The following PRKN variants were observed in gnomAD, a reference collection of about 807,000 sequenced individuals.
PRKN encodes parkin RBR E3 ubiquitin protein ligase.
PRKN carries 56 observed loss-of-function variants against 59.5 expected under a neutral mutation model. That is an observed-to-expected ratio of 0.94 (90% CI 0.76 to 1.18). PRKN has a LOEUF of 1.18. PRKN is among the 50% of genes most tolerant of loss of function. The probability of loss-of-function intolerance (pLI) is 0.00; values close to 1 mark genes in which losing one functional copy is unlikely to be tolerated. For synonymous variants in PRKN, 250 were observed against 222.1 expected (o/e 1.13, Z -1.12); for missense variants, 657 against 596.4 (o/e 1.10, Z -1.06).
In PRKN at chr6:162,430,761, C is replaced by CCT. The variant is rs78376475; in HGVS notation, c.171+12547_171+12548dup. On this transcript the variant is annotated intron_variant, in intron 2 of 11. Transcript: ENST00000366898. Reference sequence around the variant, plus strand: ...GGCCACTTTGAGAATCTAGTACAGTCCTCTCTCTTTAGAAAAGACCAAATG... The same window carrying CCT: ...GGCCACTTTGAGAATCTAGTACAGTCCTCTCTCTCTTTAGAAAAGACCAAATG... Among the ~76,000 whole-genome samples, 416 of 152,114 alleles carry CCT rather than the reference C, an allele frequency of 2.7e-3. 6 individuals are homozygous for CCT. The highest frequency in any genetic ancestry group is 0.024 in the South Asian group (117 of 4,818).
At chr6:161,727,019 C>T (rs1197310644) in intron 7 of PRKN, among the ~76,000 whole-genome samples, 1 of 152,132 alleles carries the variant, frequency 6.6e-6, no homozygotes, top group Non-Finnish European at 1.5e-5. Flanking sequence ...TCCCCTCTTC[C>T]CCTGCCTGTA....
intron 6 of PRKN, among the ~76,000 whole-genome samples, chr6:161,877,289 C>A (rs918134037): frequency 6.6e-6 from 1 of 152,064 alleles, no homozygotes; most frequent in African/African-American, 2.4e-5. Context: ...GTGAGGACAG[C>A]CTCAGGCTCC....
At chr6:161,918,907 C>T (rs1464238496) in intron 6 of PRKN, among the ~76,000 whole-genome samples, 1 of 152,048 alleles carries the variant, frequency 6.6e-6, no homozygotes, top group Admixed American at 6.5e-5. Context: ...GAAACCAACA[C>T]CCCCGCTCCC....
chr6:162,380,345 T>A (rs1786363766), intron 2 of PRKN, among the ~76,000 whole-genome samples: 2 of 150,380 alleles, frequency 1.3e-5, no homozygotes, highest in African/African-American at 4.9e-5. Flanking sequence ...GAACAGCAAG[T>A]ATTCATTATT....
intron 3 of PRKN, among the ~76,000 whole-genome samples, chr6:162,215,292 AG>A (rs1303373793): frequency 3.9e-5 from 6 of 152,208 alleles, no homozygotes; most frequent in African/African-American, 1.4e-4. Flanking sequence ...TATTATGTGG[AG>A]GAACCAAATA....
chr6:162,458,083 G>A (rs1790969864), intron 1 of PRKN, among the ~76,000 whole-genome samples: 1 of 151,242 alleles, frequency 6.6e-6, no homozygotes. Flanking sequence ...GTTAAACCCA[G>A]TCTCTACTAA....
intron 5 of PRKN, among the ~76,000 whole-genome samples, chr6:162,015,013 C>T (rs201077072): frequency 2.0e-5 from 3 of 152,088 alleles, no homozygotes; most frequent in African/African-American, 4.8e-5. Flanking sequence ...AACATGTTCA[C>T]GTTGTAGAAA....
At chr6:162,415,654 T>G (rs1443025250) in intron 2 of PRKN, among the ~76,000 whole-genome samples, 1 of 152,018 alleles carries the variant, frequency 6.6e-6, no homozygotes, top group African/African-American at 2.4e-5. Flanking sequence ...CCGTCTGTAC[T>G]AAAAATACAA....
intron 2 of PRKN, among the ~76,000 whole-genome samples, chr6:162,392,325 G>T (rs1787243818): frequency 6.6e-6 from 1 of 152,096 alleles, no homozygotes. Flanking sequence ...AAGGAGGCCA[G>T]AAGTTTTTGG....
chr6:161,730,497 C>T (rs1046308036), intron 7 of PRKN, among the ~76,000 whole-genome samples: 2 of 150,890 alleles, frequency 1.3e-5, no homozygotes, highest in African/African-American at 5.0e-5. Context: ...TGATATGTTG[C>T]AGTCTGATGT....
In PRKN at chr6:161,440,045, G is replaced by A. The variant is rs534073810; in HGVS notation, c.1084-53168C>T. 6.6e-6 allele frequency among the ~76,000 whole-genome samples: 1 copy of A among 151,876 alleles called. No individual in the cohort carries two copies. Among genetic ancestry groups the A allele is most frequent in the East Asian group, 1.9e-4 (1 of 5,144 alleles). ...GGCTCACTGCAAGCTCCACCTCCCG[G>A]GTTCATGCTACTCTCCTGCCTCAGC... On this transcript the variant is annotated intron_variant, in intron 9 of 11. Coordinates refer to ENST00000366898, the MANE Select transcript of PRKN (RefSeq NM_004562.3). The surrounding 1 kb of genome is among the most constrained non-coding windows in gnomAD (Gnocchi z 4.1).
intron 4 of PRKN, among the ~76,000 whole-genome samples, chr6:162,122,716 T>TTCTATCTATCTATCTA (rs71544924): frequency 4.5e-4 from 67 of 147,920 alleles, no homozygotes; most frequent in South Asian, 1.1e-3. Context: ...GCTCAATCTG[T>TTCTATCTATCTATCTA]TCTATCTATC....
Position 161,545,248 on chromosome 6 carries a change from G to T in PRKN, c.1083+3606C>A. ...AAATTAAGCACGGGTGAATTCACAG[G>T]CATCTTACAATAAATCTGTGAACCA... On this transcript the variant is annotated intron_variant, in intron 9 of 11. Coordinates refer to ENST00000366898, the MANE Select transcript of PRKN (RefSeq NM_004562.3). The surrounding 1 kb of genome is among the most constrained non-coding windows in gnomAD (Gnocchi z 4.1). 1 of 1,384,204 alleles carries T rather than the reference G, an allele frequency of 7.2e-7. No homozygotes were observed. The highest frequency in any genetic ancestry group is 9.4e-7 in the Non-Finnish European group (1 of 1,067,832). The allele number at this position is 1,384,204 out of a possible 1,614,324, so 85.7% of individuals were successfully genotyped here.
chr6:161,763,166 G>A (rs935581367), intron 7 of PRKN, among the ~76,000 whole-genome samples: 2 of 152,018 alleles, frequency 1.3e-5, no homozygotes, highest in African/African-American at 2.4e-5. Flanking sequence ...TTTGAATCAC[G>A]CAAATGTCTT....
chr6:162,582,154 T>G (rs1780817180), intron 1 of PRKN, among the ~76,000 whole-genome samples: 1 of 152,170 alleles, frequency 6.6e-6, no homozygotes, highest in African/African-American at 2.4e-5. Flanking sequence ...TTTCACACAT[T>G]ACATATCCAT....
Position 161,610,654 on chromosome 6 carries a change from G to A in PRKN, c.872-41238C>T, listed in dbSNP as rs1054809075. Among the ~76,000 whole-genome samples, 32 of 152,090 alleles carry A rather than the reference G, an allele frequency of 2.1e-4. 1 individual carries two copies. The highest frequency in any genetic ancestry group is 7.5e-4 in the African/African-American group (31 of 41,504). On this transcript the variant is annotated intron_variant, in intron 7 of 11. Transcript: ENST00000366898. The stretch of plus-strand genomic sequence containing the variant: ...TGCTTGATATTGGGTGCCGTAACAA[G>A]TAGAACAGGAGGAGCAAATAAACCA...
intron 9 of PRKN, among the ~76,000 whole-genome samples, chr6:161,408,979 T>C (rs1244540466): frequency 1.3e-5 from 2 of 152,132 alleles, no homozygotes; most frequent in Non-Finnish European, 2.9e-5. Context: ...AGAGTCTCGC[T>C]CTGTTGCCCA....
intron 2 of PRKN, among the ~76,000 whole-genome samples, chr6:162,422,954 C>CAA (rs61557917): frequency 0.061 from 4,005 of 65,182 alleles, 173 homozygotes; most frequent in East Asian, 0.31. Flanking sequence ...TCCAAGAGAC[C>CAA]AAAAAAAAAA....
intron 2 of PRKN, among the ~76,000 whole-genome samples, chr6:162,419,588 G>A (rs937677935): frequency 1.3e-5 from 2 of 152,190 alleles, no homozygotes; most frequent in Non-Finnish European, 2.9e-5. Flanking sequence ...CCCAGTCCTA[G>A]CCCTGGAACT....
Sources: gnomAD v4.1 joint callset for allele counts (sites outside exome capture counted in the v4.1 genomes callset) on GRCh38, gnomAD v4.1.1 for gene constraint, Gnocchi (gnomAD v3.1) non-coding constraint, MANE v1.5 for transcripts, NCBI Gene and HGNC (gene_info 2026-07-23, HGNC 2026-07-21) for gene names.